The following KDM2B variants were observed in gnomAD, a reference collection of about 807,000 sequenced individuals.
KDM2B encodes the protein lysine demethylase 2B.
Under a neutral mutation model 150.0 loss-of-function variants are expected in KDM2B, and 26 were observed. The observed-to-expected ratio is 0.17, with a 90% CI of 0.13 to 0.24. The LOEUF is 0.24. Ranked by LOEUF, KDM2B falls within the 10% of genes least tolerant of loss-of-function variation. The pLI is 1.00. For synonymous variants in KDM2B, 734 were observed against 729.5 expected (o/e 1.01, Z -0.10); for missense variants, 1,265 against 1,816.9 (o/e 0.70, Z 5.52).
chr12:121,500,718 G>A (rs1040798182), intron 11 of KDM2B, among the ~76,000 whole-genome samples: 8 of 152,196 alleles, frequency 5.3e-5, no homozygotes, highest in East Asian at 1.9e-4. Context: ...AGGCATCAAC[G>A]CACCTGGGGT....
At chr12:121,542,489 C>T (rs973380872) in intron 6 of KDM2B, among the ~76,000 whole-genome samples, 6 of 152,246 alleles carry the variant, frequency 3.9e-5, no homozygotes, top group Admixed American at 2.0e-4. Flanking sequence ...CAGAACCACC[C>T]AGCTCAGTTG....
At chr12:121,436,260 G>A (rs1044605234) in intron 22 of KDM2B, among the ~76,000 whole-genome samples, 6 of 152,200 alleles carry the variant, frequency 3.9e-5, no homozygotes, top group African/African-American at 9.6e-5. Context: ...GGTGGCTCAC[G>A]CCTGTAATCC....
rs782694867 is a variant in KDM2B, at chr12:121,430,112, C to T, written c.*176G>A. On this transcript the variant is annotated 3_prime_UTR_variant, in exon 23 of 23. Transcript: ENST00000377071. This position sits in a 1 kb window ranked among gnomAD's most constrained non-coding sequence, Gnocchi z 4.4. ...ATTCAGAAAGACCAAAGGAAAGTGT[C>T]GGCTCACTCATCCCCCAAACGGGTG... 50 of 1,610,210 alleles carry T rather than the reference C, an allele frequency of 3.1e-5. No homozygotes were observed. Among genetic ancestry groups the T allele is most frequent in the East Asian group, 4.5e-5 (2 of 44,876 alleles).
At chr12:121,413,428 TTGAGACGGAG>T in the KDM2B span, among the ~76,000 whole-genome samples, 1 of 148,922 alleles carries the variant, frequency 6.7e-6, no homozygotes. Flanking sequence ...TTTTTTTTTT[TTGAGACGGAG>T]TTTTGCTCTT....
the KDM2B span, chr12:121,420,274 AGAT>A: frequency 6.5e-3 from 10,496 of 1,604,322 alleles, 594 homozygotes; most frequent in African/African-American, 0.12. Context: ...CAAACACAGA[AGAT>A]GATGATGACG....
At chr12:121,500,991 C>T (rs934677149) in intron 11 of KDM2B, among the ~76,000 whole-genome samples, 3 of 152,178 alleles carry the variant, frequency 2.0e-5, no homozygotes, top group Non-Finnish European at 4.4e-5. Context: ...GTCCCAGCTA[C>T]TCAGGAGGAT....
rs578006962 is a variant in KDM2B at position 121,580,449 on chromosome 12, T to C, written c.126+337A>G. 1.1e-4 allele frequency: 128 copies of C among 1,141,924 alleles called. No individual in the cohort carries two copies. The African/African-American group carries it at 2.0e-3, about 18-fold the overall frequency. The allele number at this position is 1,141,924 out of a possible 1,614,324, so 70.7% of individuals were successfully genotyped here. A position where few individuals can be genotyped will look rare whatever the true frequency, so the allele number is the denominator to read the frequency against. ...GCCGTTAGCGCCGTGGCATCGCTGT[T>C]TTGTTGTTGGGTCACGAGTGCGCCT... On this transcript the variant is annotated intron_variant, in intron 1 of 22. Transcript: ENST00000377071.
chr12:121,498,807 A>G (rs879980861), intron 11 of KDM2B, among the ~76,000 whole-genome samples: 19 of 152,122 alleles, frequency 1.2e-4, no homozygotes, highest in Non-Finnish European at 2.5e-4. Context: ...ATTAATAATA[A>G]TAAATAATAC....
intron 12 of KDM2B, among the ~76,000 whole-genome samples, chr12:121,474,411 G>C (rs782255789): frequency 6.6e-6 from 1 of 152,110 alleles, no homozygotes; most frequent in Non-Finnish European, 1.5e-5. Context: ...AGCTACTCAG[G>C]AGGCTGAGGC....
chr12:121,540,307 G>A (rs117211763), intron 6 of KDM2B, among the ~76,000 whole-genome samples: 190 of 152,232 alleles, frequency 1.2e-3, no homozygotes, highest in Non-Finnish European at 2.2e-3. Flanking sequence ...GTGCGGGGCC[G>A]GTTTCCCTAT....
rs2136418080 is a variant in KDM2B, at chr12:121,569,286, C to A, written c.397+5261G>T. On this transcript the variant is annotated intron_variant, in intron 4 of 22. Coordinates refer to ENST00000377071, the MANE Select transcript of KDM2B (RefSeq NM_032590.5). Reference sequence around the variant, plus strand: ...GAAGGCTGTGCTAAGACTGTCAGAGCCAATCCAGAGGCATCTAAGGGAATG... The same window carrying A: ...GAAGGCTGTGCTAAGACTGTCAGAGACAATCCAGAGGCATCTAAGGGAATG... Among the ~76,000 whole-genome samples, 2 of 152,322 alleles carry A rather than the reference C, an allele frequency of 1.3e-5. 1 individual carries two copies. The highest frequency in any genetic ancestry group is 2.9e-5 in the Non-Finnish European group (2 of 68,028).
At chr12:121,573,717 A>C (rs1891292876) in intron 4 of KDM2B, among the ~76,000 whole-genome samples, 1 of 151,908 alleles carries the variant, frequency 6.6e-6, no homozygotes, top group African/African-American at 2.4e-5. Context: ...CCTCCCGAGC[A>C]GCTGGGACCA....
At chr12:121,420,402 G>A in the KDM2B span, 1 of 1,553,258 alleles carries the variant, frequency 6.4e-7, no homozygotes. Context: ...GTGCCCTGTG[G>A]ACATTCGCTA....
chr12:121,558,455 C>CTTTTTT (rs62698361), intron 4 of KDM2B, among the ~76,000 whole-genome samples: 2 of 135,526 alleles, frequency 1.5e-5, no homozygotes, highest in African/African-American at 2.7e-5. Flanking sequence ...TTTTCTTTTT[C>CTTTTTT]TTTTTTTTTT....
intron 14 of KDM2B, chr12:121,444,810 AG>A (rs1555289756): frequency 1.9e-6 from 1 of 530,884 alleles, no homozygotes; most frequent in African/African-American, 1.9e-5. Flanking sequence ...CGGCCATAAA[AG>A]TTAGTGTGCC....
intron 11 of KDM2B, among the ~76,000 whole-genome samples, chr12:121,504,755 T>C (rs1884894601): frequency 6.6e-6 from 1 of 151,954 alleles, no homozygotes. Context: ...ATCCCAGCAT[T>C]TCAGGAGGCC....
chr12:121,456,960 C>T (rs986681641), intron 12 of KDM2B, among the ~76,000 whole-genome samples: 2 of 152,302 alleles, frequency 1.3e-5, no homozygotes, highest in African/African-American at 4.8e-5. Flanking sequence ...CAGTGGCCCC[C>T]GCCTGGCTCA....
At chr12:121,529,536 AG>A in intron 8 of KDM2B, among the ~76,000 whole-genome samples, 1 of 152,202 alleles carries the variant, frequency 6.6e-6, no homozygotes, top group Non-Finnish European at 1.5e-5. Flanking sequence ...CTCTCCTCAA[AG>A]CCACAAATCA....
chr12:121,553,125 G>A (rs1258528889), intron 4 of KDM2B, among the ~76,000 whole-genome samples: 1 of 151,950 alleles, frequency 6.6e-6, no homozygotes, highest in African/African-American at 2.4e-5. Context: ...CCAGCTACTT[G>A]GGAGGCTGAG....
Sources: gnomAD v4.1 joint callset for allele counts (sites outside exome capture counted in the v4.1 genomes callset) on GRCh38, gnomAD v4.1.1 for gene constraint, Gnocchi (gnomAD v3.1) non-coding constraint, MANE v1.5 for transcripts, NCBI Gene and HGNC (gene_info 2026-07-23, HGNC 2026-07-21) for gene names.